The following CNTNAP5 variants were observed in gnomAD, a reference collection of about 807,000 sequenced individuals.
CNTNAP5 encodes contactin associated protein family member 5.
In CNTNAP5, 72 loss-of-function variants were observed where a neutral mutation model predicts 150.2. The ratio of observed to expected loss-of-function variants is 0.48; its 90% CI spans 0.40 to 0.58. The LOEUF is 0.58. CNTNAP5 is among the 20% of genes least tolerant of loss of function. CNTNAP5 has a pLI of 0.00. For missense variants in CNTNAP5, 1,636 were observed against 1,626.2 expected (o/e 1.01, Z -0.10); for synonymous variants, 672 against 619.8 (o/e 1.08, Z -1.25).
intron 17 of CNTNAP5, among the ~76,000 whole-genome samples, chr2:124,788,616 T>C (rs1275717348): frequency 6.7e-6 from 1 of 150,370 alleles, no homozygotes; most frequent in Non-Finnish European, 1.5e-5. Context: ...TTTTTTTTTT[T>C]TTGAGACAGA....
intron 11 of CNTNAP5, among the ~76,000 whole-genome samples, chr2:124,607,093 G>A (rs1296633482): frequency 6.6e-6 from 1 of 152,150 alleles, no homozygotes; most frequent in African/African-American, 2.4e-5. Flanking sequence ...GTAGTCTAAT[G>A]AGACAATTTA....
chr2:124,578,894 G>T (rs1696352242), intron 11 of CNTNAP5, among the ~76,000 whole-genome samples: 1 of 152,122 alleles, frequency 6.6e-6, no homozygotes, highest in South Asian at 2.1e-4. Context: ...GACACTCTTT[G>T]TTTTTCAATT....
chr2:124,766,590 G>A (rs184582282), intron 16 of CNTNAP5, among the ~76,000 whole-genome samples: 1 of 152,202 alleles, frequency 6.6e-6, no homozygotes, highest in East Asian at 1.9e-4. Flanking sequence ...AGCTCTTGTG[G>A]CTTTGGTGTG....
intron 1 of CNTNAP5, among the ~76,000 whole-genome samples, chr2:124,168,760 C>G (rs1449931145): frequency 1.3e-5 from 2 of 152,018 alleles, no homozygotes; most frequent in Non-Finnish European, 2.9e-5. Context: ...ATAAAATTAC[C>G]AATGGCTATT....
intron 5 of CNTNAP5, among the ~76,000 whole-genome samples, chr2:124,440,621 A>C (rs1692649918): frequency 6.6e-6 from 1 of 152,184 alleles, no homozygotes; most frequent in African/African-American, 2.4e-5. Flanking sequence ...AAACTGGTAA[A>C]TTAAACACTT....
chr2:124,786,599 AAGGT>A (rs1205457647), intron 17 of CNTNAP5, among the ~76,000 whole-genome samples: 9 of 151,966 alleles, frequency 5.9e-5, no homozygotes, highest in Non-Finnish European at 1.0e-4. Flanking sequence ...AAGAGAAAGA[AAGGT>A]AGGAAGGAAG....
intron 19 of CNTNAP5, among the ~76,000 whole-genome samples, chr2:124,863,613 A>G (rs1419844082): frequency 6.6e-6 from 1 of 152,168 alleles, no homozygotes; most frequent in Non-Finnish European, 1.5e-5. Context: ...ATTGTTTCAC[A>G]TGCATGTATT....
At chr2:124,025,764 A>C (rs1680869900) in intron 1 of CNTNAP5, 32 bp downstream of exon 1, 1 of 1,538,218 alleles carries the variant, frequency 6.5e-7, no homozygotes, top group Non-Finnish European at 9.0e-7. Context: ...CGGGAAGGTG[A>C]GGTGGAAAAC....
At chr2:124,166,731 TCAGA>T (rs758861782) in intron 1 of CNTNAP5, among the ~76,000 whole-genome samples, 34 of 152,102 alleles carry the variant, frequency 2.2e-4, no homozygotes, top group Non-Finnish European at 4.0e-4. Context: ...AGGGAACAAA[TCAGA>T]CAATTAGGCT....
chr2:124,681,709 G>T (rs950952793), intron 13 of CNTNAP5, among the ~76,000 whole-genome samples: 28 of 152,094 alleles, frequency 1.8e-4, no homozygotes, highest in African/African-American at 6.5e-4. Flanking sequence ...GACTACAGGT[G>T]CATGCCACCA....
At chr2:124,300,608 C>T (rs189724305) in intron 3 of CNTNAP5, among the ~76,000 whole-genome samples, 1 of 152,198 alleles carries the variant, frequency 6.6e-6, no homozygotes, top group African/African-American at 2.4e-5. Flanking sequence ...GGGGCTGGAC[C>T]ACAGGCGAGT....
At chr2:124,347,409 G>A (rs1406863931) in intron 3 of CNTNAP5, among the ~76,000 whole-genome samples, 2 of 152,150 alleles carry the variant, frequency 1.3e-5, no homozygotes, top group African/African-American at 4.8e-5. Context: ...TAACAGCTCA[G>A]TGCAGACAAC....
chr2:124,572,784 A>G (rs1225749704), intron 11 of CNTNAP5, among the ~76,000 whole-genome samples: 3 of 152,166 alleles, frequency 2.0e-5, no homozygotes, highest in Non-Finnish European at 2.9e-5. Flanking sequence ...TCAGATTTGC[A>G]CATCTCTTGG....
intron 13 of CNTNAP5, among the ~76,000 whole-genome samples, chr2:124,687,887 G>A (rs10189889): frequency 0.023 from 3,505 of 152,054 alleles, 46 homozygotes; most frequent in Middle Eastern, 0.038. Flanking sequence ...TACTGAGGTA[G>A]ACATTTACTT....
At chr2:124,515,739 G>C (rs1485180141) in intron 8 of CNTNAP5, among the ~76,000 whole-genome samples, 1 of 152,206 alleles carries the variant, frequency 6.6e-6, no homozygotes, top group East Asian at 1.9e-4. Context: ...GGGTATGGAA[G>C]CCCCAATTCA....
At chr2:124,350,636 T>TG (rs1689855536) in intron 3 of CNTNAP5, among the ~76,000 whole-genome samples, 1 of 151,990 alleles carries the variant, frequency 6.6e-6, no homozygotes, top group African/African-American at 2.4e-5. Flanking sequence ...TGAGGATTTT[T>TG]TTTTAAGAAT....
chr2:124,848,605 A>G (rs1004940996), intron 19 of CNTNAP5, among the ~76,000 whole-genome samples: 13 of 152,142 alleles, frequency 8.5e-5, no homozygotes, highest in East Asian at 1.9e-4. Flanking sequence ...ATACCAGTAT[A>G]TGTTCCCACC....
intron 13 of CNTNAP5, among the ~76,000 whole-genome samples, chr2:124,689,204 G>A (rs1489891000): frequency 1.3e-5 from 2 of 152,120 alleles, no homozygotes; most frequent in Non-Finnish European, 2.9e-5. Flanking sequence ...GGGATTCAGT[G>A]GTAAGACCAG....
chr2:124,070,824 T>A (rs1172215935), intron 1 of CNTNAP5, among the ~76,000 whole-genome samples: 1 of 151,974 alleles, frequency 6.6e-6, no homozygotes, highest in South Asian at 2.1e-4. Context: ...AACATCAGAT[T>A]TAATCTGCAC....
Sources: allele counts gnomAD v4.1 joint callset (sites outside exome capture counted in the v4.1 genomes callset), GRCh38; gene constraint gnomAD v4.1.1; transcripts MANE v1.5; gene names NCBI Gene and HGNC (gene_info 2026-07-23, HGNC 2026-07-21).